FSTL5: variants seen among roughly 807,000 people sequenced by gnomAD.
FSTL5 encodes follistatin-related protein 5.
A neutral mutation model predicts 89.1 loss-of-function variants in FSTL5; 62 were observed. That is an observed-to-expected ratio of 0.70 (90% CI 0.57 to 0.86). The LOEUF is 0.86. Ranked by LOEUF, FSTL5 falls within the 40% of genes least tolerant of loss-of-function variation. The pLI is 0.00. For synonymous variants in FSTL5, 383 were observed against 346.2 expected (o/e 1.11, Z -1.18); for missense variants, 1,057 against 1,001.6 (o/e 1.06, Z -0.75).
intron 2 of FSTL5, among the ~76,000 whole-genome samples, chr4:162,081,816 T>A (rs367786898): frequency 5.0e-4 from 63 of 126,866 alleles, no homozygotes; most frequent in African/African-American, 1.7e-3. Context: ...TCTCTCTCTC[T>A]CTCACACACA....
At chr4:161,700,022 T>C (rs759926086) in intron 6 of FSTL5, among the ~76,000 whole-genome samples, 1 of 152,194 alleles carries the variant, frequency 6.6e-6, no homozygotes, top group Non-Finnish European at 1.5e-5. Context: ...TCATTATCTT[T>C]ATGGCACTTT....
intron 6 of FSTL5, among the ~76,000 whole-genome samples, chr4:161,676,698 A>G (rs1327461712): frequency 6.6e-6 from 1 of 151,850 alleles, no homozygotes; most frequent in Non-Finnish European, 1.5e-5. Context: ...AGACTCCTAA[A>G]AAAACAAACT....
intron 2 of FSTL5, among the ~76,000 whole-genome samples, chr4:162,083,522 T>C (rs1459150869): frequency 6.6e-6 from 1 of 150,544 alleles, no homozygotes; most frequent in Non-Finnish European, 1.5e-5. Flanking sequence ...CACAGCTTTA[T>C]TAAAAGAAAA....
At chr4:161,804,693 C>A (rs907667237) in intron 4 of FSTL5, among the ~76,000 whole-genome samples, 6 of 151,904 alleles carry the variant, frequency 3.9e-5, no homozygotes, top group Non-Finnish European at 8.8e-5. Context: ...TCAAATTCAA[C>A]TTCTTGAGAT....
intron 2 of FSTL5, among the ~76,000 whole-genome samples, chr4:162,105,145 C>G (rs1731170622): frequency 6.6e-6 from 1 of 152,236 alleles, no homozygotes; most frequent in Middle Eastern, 3.4e-3. Flanking sequence ...GTTTCATATG[C>G]ATTCTGAAAT....
At chr4:162,140,090 C>T (rs556697466) in intron 1 of FSTL5, among the ~76,000 whole-genome samples, 2 of 152,158 alleles carry the variant, frequency 1.3e-5, no homozygotes, top group African/African-American at 4.8e-5. Context: ...TATTGTTACA[C>T]TCTAACCAGT....
At chr4:161,956,685 C>T (rs1211605212) in intron 3 of FSTL5, among the ~76,000 whole-genome samples, 2 of 151,752 alleles carry the variant, frequency 1.3e-5, no homozygotes, top group Non-Finnish European at 2.9e-5. Flanking sequence ...TGGGAAAATA[C>T]TTGATAGAGG....
intron 3 of FSTL5, among the ~76,000 whole-genome samples, chr4:162,014,068 C>T (rs1253219888): frequency 6.6e-6 from 1 of 152,098 alleles, no homozygotes; most frequent in Non-Finnish European, 1.5e-5. Context: ...GCTGGCTCTC[C>T]AGTGCAGTCT....
At chr4:161,790,998 T>TTTG (rs3047002) in intron 4 of FSTL5, among the ~76,000 whole-genome samples, 3 of 152,112 alleles carry the variant, frequency 2.0e-5, no homozygotes, top group African/African-American at 7.2e-5. Context: ...TTTTGAAAGA[T>TTTG]CTAGATCTAG....
At chr4:161,836,350 T>C (rs565795435) in intron 4 of FSTL5, among the ~76,000 whole-genome samples, 2 of 150,918 alleles carry the variant, frequency 1.3e-5, no homozygotes, top group Non-Finnish European at 2.9e-5. Context: ...ATATACCTAA[T>C]GCTAAATGAC....
At chr4:161,614,998 G>A (rs1734793762) in intron 7 of FSTL5, among the ~76,000 whole-genome samples, 1 of 151,960 alleles carries the variant, frequency 6.6e-6, no homozygotes, top group Non-Finnish European at 1.5e-5. Flanking sequence ...AACATGTAAA[G>A]AAATAAAAGC....
rs553037160 is a variant in FSTL5 at position 161,481,859 on chromosome 4, A to G, written c.1459-690T>C. On this transcript the variant is annotated intron_variant, in intron 12 of 15. Coordinates refer to ENST00000306100, the MANE Select transcript of FSTL5 (RefSeq NM_020116.5). ...GCCCCTCTATTTCCTCTTTTCCTTCATATTGTCAAAAAATGATTGTGGAGG... is the reference window on the plus strand; with the variant it reads ...GCCCCTCTATTTCCTCTTTTCCTTCGTATTGTCAAAAAATGATTGTGGAGG... 2.6e-5 allele frequency among the ~76,000 whole-genome samples: 4 copies of G among 152,248 alleles called. No individual in the cohort carries two copies. In the East Asian group the frequency reaches 7.7e-4, roughly 29 times the overall value.
At chr4:161,537,207 G>A (rs1731650486) in intron 10 of FSTL5, among the ~76,000 whole-genome samples, 1 of 152,132 alleles carries the variant, frequency 6.6e-6, no homozygotes, top group Non-Finnish European at 1.5e-5. Flanking sequence ...CTGGATCAAT[G>A]CTTTAACCTT....
At chr4:161,501,079 A>G (rs1267780532) in intron 11 of FSTL5, among the ~76,000 whole-genome samples, 1 of 152,160 alleles carries the variant, frequency 6.6e-6, no homozygotes, top group African/African-American at 2.4e-5. Flanking sequence ...ATTATATCTT[A>G]CATAATTCAG....
intron 2 of FSTL5, among the ~76,000 whole-genome samples, chr4:162,048,254 G>C (rs1028932461): frequency 6.6e-6 from 1 of 152,074 alleles, no homozygotes; most frequent in African/African-American, 2.4e-5. Flanking sequence ...TTGAACCTGG[G>C]AGGCGGAGGT....
chr4:161,662,609 A>C (rs1579003500), intron 6 of FSTL5, among the ~76,000 whole-genome samples: 1 of 152,286 alleles, frequency 6.6e-6, no homozygotes, highest in Admixed American at 6.5e-5. Flanking sequence ...AAAAAGCAAA[A>C]CCAGATACGG....
At position 161,661,783 on chromosome 4, in the gene FSTL5, T is replaced by C. The variant is rs528869493; in HGVS notation, c.728-5289A>G. ...TAAAATTAAAACAAAATTTAAAAGATCTAGAAACTTTGTTTTGGTAACAAT... is the reference window on the plus strand; with the variant it reads ...TAAAATTAAAACAAAATTTAAAAGACCTAGAAACTTTGTTTTGGTAACAAT... On this transcript the variant is annotated intron_variant, in intron 6 of 15. Transcript: ENST00000306100. 3.9e-5 allele frequency among the ~76,000 whole-genome samples: 6 copies of C among 152,288 alleles called. No individual in the cohort carries two copies. The East Asian group carries it at 1.2e-3, about 29-fold the overall frequency.
At chr4:162,039,920 T>C (rs1737884865) in intron 2 of FSTL5, among the ~76,000 whole-genome samples, 1 of 152,072 alleles carries the variant, frequency 6.6e-6, no homozygotes, top group Non-Finnish European at 1.5e-5. Flanking sequence ...TGTCCTTATG[T>C]ATATATACTT....
chr4:162,140,614 C>T (rs1732690729), intron 1 of FSTL5, among the ~76,000 whole-genome samples: 1 of 148,798 alleles, frequency 6.7e-6, no homozygotes, highest in East Asian at 2.0e-4. Context: ...AGTGAAATTG[C>T]CTGACTTAGG....
Sources: allele counts gnomAD v4.1 joint callset (sites outside exome capture counted in the v4.1 genomes callset), GRCh38; gene constraint gnomAD v4.1.1; transcripts MANE v1.5; gene names NCBI Gene and HGNC (gene_info 2026-07-23, HGNC 2026-07-21).